Variants in TOM1L2 observed in about 807,000 individuals in gnomAD.
The protein encoded by TOM1L2 is TOM1-like protein 2.
A neutral mutation model predicts 67.9 loss-of-function variants in TOM1L2; 31 were observed. The observed-to-expected ratio is 0.46, with a 90% CI of 0.34 to 0.62. TOM1L2 has a LOEUF of 0.62. Among genes scored for constraint, TOM1L2 ranks in the 20% least tolerant of loss-of-function variants. TOM1L2 has a pLI of 0.01. For missense variants in TOM1L2, 606 were observed against 663.5 expected (o/e 0.91, Z 0.95); for synonymous variants, 256 against 254.0 (o/e 1.01, Z -0.07).
intron 12 of TOM1L2, 68 bp from the exon 13 acceptor site, chr17:17,851,020 A>G (rs2035945746): frequency 6.4e-7 from 1 of 1,565,886 alleles, no homozygotes; most frequent in East Asian, 2.2e-5. Flanking sequence ...AGAACACCGG[A>G]ACAAAGGAAA....
chr17:17,881,365 A>G (rs1020401152), intron 6 of TOM1L2, among the ~76,000 whole-genome samples: 1 of 152,138 alleles, frequency 6.6e-6, no homozygotes, highest in African/African-American at 2.4e-5. Context: ...TCCAAGGGGC[A>G]ACATGCCTCA....
At chr17:17,872,869 G>A (rs2037221989) in intron 7 of TOM1L2, among the ~76,000 whole-genome samples, 1 of 152,298 alleles carries the variant, frequency 6.6e-6, no homozygotes, top group African/African-American at 2.4e-5. Flanking sequence ...GAGGGAGAAG[G>A]AAAAAAGTCA....
intron 1 of TOM1L2, among the ~76,000 whole-genome samples, chr17:17,957,278 T>C (rs1167927680): frequency 6.6e-6 from 1 of 152,216 alleles, no homozygotes; most frequent in Non-Finnish European, 1.5e-5. Context: ...ACCACTCCCT[T>C]ATACAGCCTT....
chr17:17,864,829 A>G (rs2036759987), intron 10 of TOM1L2, among the ~76,000 whole-genome samples: 1 of 152,212 alleles, frequency 6.6e-6, no homozygotes, highest in Non-Finnish European at 1.5e-5. Flanking sequence ...TCTGGCAGTC[A>G]TATATGCTGG....
rs138740740 is a variant in TOM1L2 at position 17,951,183 on chromosome 17, G to A, written c.52+21079C>T. Among the ~76,000 whole-genome samples, 314 of 152,218 alleles carry A rather than the reference G, an allele frequency of 2.1e-3. 2 individuals carry two copies. Among genetic ancestry groups the A allele is most frequent in the Middle Eastern group, 0.01 (3 of 294 alleles). ...TAGATGATAATACCCACTCCCTTGC[G>A]GGGCTGCAAGGAAAATGACCAGCAC... On this transcript the variant is annotated intron_variant, in intron 1 of 14. Coordinates refer to ENST00000379504, the MANE Select transcript of TOM1L2 (RefSeq NM_001082968.2).
intron 5 of TOM1L2, 69 bp from the exon 6 acceptor site, chr17:17,882,932 C>G (rs1420996774): frequency 6.3e-7 from 1 of 1,577,308 alleles, no homozygotes. Context: ...GTACCTACCC[C>G]ACCCCATGCA....
intron 1 of TOM1L2, among the ~76,000 whole-genome samples, chr17:17,922,798 A>C (rs1386479721): frequency 6.6e-6 from 1 of 152,246 alleles, no homozygotes; most frequent in Non-Finnish European, 1.5e-5. Context: ...ACTGCATCTC[A>C]GGAAAGACGG....
intron 1 of TOM1L2, among the ~76,000 whole-genome samples, chr17:17,955,489 C>T (rs919633624): frequency 6.6e-6 from 1 of 152,102 alleles, no homozygotes; most frequent in African/African-American, 2.4e-5. Context: ...CAGGCACACG[C>T]CACCAAGCCC....
intron 1 of TOM1L2, among the ~76,000 whole-genome samples, chr17:17,930,327 A>T (rs1450008911): frequency 6.6e-6 from 1 of 152,210 alleles, no homozygotes; most frequent in Non-Finnish European, 1.5e-5. Context: ...GTCTTAGGAA[A>T]TGACCAAATC....
At chr17:17,862,675 G>T in intron 11 of TOM1L2, 56 bp downstream of exon 11, 1 of 1,438,570 alleles carries the variant, frequency 7.0e-7, no homozygotes, top group South Asian at 1.2e-5. Flanking sequence ...CTGTGACCAG[G>T]CATGGGTCAA....
rs115175666 is a variant in TOM1L2 at position 17,942,343 on chromosome 17, C to T, written c.52+29919G>A. Among the ~76,000 whole-genome samples, 264 of 152,280 alleles carry T rather than the reference C, an allele frequency of 1.7e-3. 1 individual carries two copies. The highest frequency in any genetic ancestry group is 6.0e-3 in the African/African-American group (249 of 41,576). On this transcript the variant is annotated intron_variant, in intron 1 of 14. Transcript: ENST00000379504. ...GGGGTCAGGCAGACCTGGGCTCAAA[C>T]TCCTGGCTCTGTAATGTATTAGCCC...
intron 8 of TOM1L2, among the ~76,000 whole-genome samples, chr17:17,867,478 T>A (rs2036920397): frequency 1.3e-5 from 2 of 151,544 alleles, no homozygotes; most frequent in Admixed American, 6.6e-5. Context: ...GAGGGTGGAG[T>A]GAGTGTCCTC....
chr17:17,972,165 C>G lies in TOM1L2; in HGVS notation c.52+97G>C. 8.9e-6 allele frequency: 13 copies of G among 1,466,286 alleles called. No homozygotes were observed. In the South Asian group the frequency reaches 1.6e-4, roughly 18 times the overall value. The allele number at this position is 1,466,286 out of a possible 1,614,324, so 90.8% of individuals were successfully genotyped here. A position where few individuals can be genotyped will look rare whatever the true frequency, so the allele number is the denominator to read the frequency against. On this transcript the variant is annotated intron_variant, in intron 1 of 14. Coordinates refer to ENST00000379504, the MANE Select transcript of TOM1L2 (RefSeq NM_001082968.2). ...GCGGCTGGCGGAGGCCCAGCCCGCT[C>G]GTGAAGTGGCACCGGCGCCCGGCGG...
intron 12 of TOM1L2, among the ~76,000 whole-genome samples, chr17:17,857,548 G>A (rs1206578461): frequency 6.6e-6 from 1 of 152,224 alleles, no homozygotes; most frequent in Admixed American, 6.5e-5. Context: ...GACTCTTAAG[G>A]CCTGGGGACA....
chr17:17,925,423 A>T (rs2144647779), intron 1 of TOM1L2, among the ~76,000 whole-genome samples: 1 of 152,300 alleles, frequency 6.6e-6, no homozygotes, highest in South Asian at 2.1e-4. Flanking sequence ...AACTTTAAAA[A>T]TTTTTTATGT....
At chr17:17,922,678 TG>T (rs1372694950) in intron 1 of TOM1L2, among the ~76,000 whole-genome samples, 1 of 152,176 alleles carries the variant, frequency 6.6e-6, no homozygotes, top group East Asian at 1.9e-4. Context: ...CCTCACAGGG[TG>T]TGGTTAAGAT....
In TOM1L2 at chr17:17,966,544, T is replaced by C. The variant is rs547834147; in HGVS notation, c.52+5718A>G. On this transcript the variant is annotated intron_variant, in intron 1 of 14. Transcript: ENST00000379504. The stretch of plus-strand genomic sequence containing the variant: ...ACCCCAAACCTACTGAAACAGAAAC[T>C]CTGAGGGTAGGATCCACTTTTAACA... Among the ~76,000 whole-genome samples, 6 of 152,226 alleles carry C rather than the reference T, an allele frequency of 3.9e-5. No homozygotes were observed. The Middle Eastern group carries it at 0.017, about 431-fold the overall frequency.
At chr17:17,933,011 TAAAAA>T in intron 1 of TOM1L2, among the ~76,000 whole-genome samples, 1 of 152,332 alleles carries the variant, frequency 6.6e-6, no homozygotes, top group East Asian at 1.9e-4. Flanking sequence ...TGCAAGCAAT[TAAAAA>T]ACTAACAGTC....
chr17:17,905,392 A>C (rs979806699), intron 2 of TOM1L2, among the ~76,000 whole-genome samples: 6 of 152,092 alleles, frequency 3.9e-5, no homozygotes, highest in African/African-American at 1.4e-4. Flanking sequence ...TCAGGCCCCA[A>C]ACCTTGCAAT....
Sources: allele counts gnomAD v4.1 joint callset (sites outside exome capture counted in the v4.1 genomes callset), GRCh38; gene constraint gnomAD v4.1.1; transcripts MANE v1.5; gene names NCBI Gene and HGNC (gene_info 2026-07-23, HGNC 2026-07-21).